The following KCNIP4 variants were observed in gnomAD, a reference collection of about 807,000 sequenced individuals.
KCNIP4 encodes the protein potassium voltage-gated channel interacting protein 4, also known as Kv channel-interacting protein 4.
Under a neutral mutation model 34.0 loss-of-function variants are expected in KCNIP4, and 12 were observed. The observed-to-expected ratio is 0.35, with a 90% CI of 0.23 to 0.57. The LOEUF (loss-of-function observed/expected upper bound fraction) is 0.57, where lower values mean the gene tolerates loss of function less well. Among genes scored for constraint, KCNIP4 ranks in the 20% least tolerant of loss-of-function variants. KCNIP4 has a pLI of 0.83. For synonymous variants in KCNIP4, 124 were observed against 102.2 expected, an observed-to-expected ratio of 1.21 and a Z score of -1.29; for missense variants, 238 against 311.7, an observed-to-expected ratio of 0.76 and a Z score of 1.78.
intron 1 of KCNIP4, among the ~76,000 whole-genome samples, chr4:21,563,029 A>G (rs1176199698): frequency 3.9e-5 from 6 of 152,038 alleles, no homozygotes; most frequent in Non-Finnish European, 5.9e-5. Flanking sequence ...GTTTTAAAGG[A>G]TTTTAAAAAC....
rs556143519 is a variant in KCNIP4 at position 21,815,260 on chromosome 4, T to C, written c.61+133311A>G. Among the ~76,000 whole-genome samples the C allele has an allele frequency of 2.6e-5, 4 of 152,306 alleles. No individual in the cohort carries two copies. In the East Asian group the frequency reaches 7.7e-4, roughly 29 times the overall value. On this transcript the variant is annotated intron_variant, in intron 1 of 8. Coordinates refer to ENST00000382152, the MANE Select transcript of KCNIP4 (RefSeq NM_025221.6). ...ATCTGTAAAAAGGGGATAAAAATTG[T>C]CTTTTGTGAGAATCAAATGTGCTAA...
At chr4:21,115,882 T>G (rs1381870839) in intron 1 of KCNIP4, among the ~76,000 whole-genome samples, 1 of 152,220 alleles carries the variant, frequency 6.6e-6, no homozygotes, top group South Asian at 2.1e-4. Flanking sequence ...ATAATAATCC[T>G]TAACAGATAT....
chr4:20,937,841 T>C (rs1037285009), intron 1 of KCNIP4, among the ~76,000 whole-genome samples: 3 of 152,172 alleles, frequency 2.0e-5, no homozygotes, highest in Non-Finnish European at 4.4e-5. Flanking sequence ...AATTAGGCCA[T>C]AATTATTTAT....
At chr4:21,753,315 T>A (rs1159608401) in intron 1 of KCNIP4, among the ~76,000 whole-genome samples, 1 of 152,142 alleles carries the variant, frequency 6.6e-6, no homozygotes, top group Admixed American at 6.6e-5. Flanking sequence ...TGTCAGGCAA[T>A]CTCTGGGTGC....
intron 1 of KCNIP4, among the ~76,000 whole-genome samples, chr4:21,517,867 G>A (rs1321669872): frequency 1.3e-5 from 2 of 152,106 alleles, no homozygotes; most frequent in African/African-American, 4.8e-5. Flanking sequence ...CTGATACATT[G>A]TAGAAGACCT....
intron 1 of KCNIP4, among the ~76,000 whole-genome samples, chr4:21,340,504 C>T (rs986001905): frequency 6.6e-6 from 1 of 151,996 alleles, no homozygotes; most frequent in African/African-American, 2.4e-5. Flanking sequence ...AATAACTTGG[C>T]AGGATCTCAT....
At chr4:21,476,291 A>C (rs987321766) in intron 1 of KCNIP4, among the ~76,000 whole-genome samples, 8 of 152,198 alleles carry the variant, frequency 5.3e-5, no homozygotes, top group African/African-American at 1.7e-4. Context: ...AAAATTTGCT[A>C]TCTCTGCTAT....
At chr4:21,397,893 A>G (rs1427912623) in intron 1 of KCNIP4, among the ~76,000 whole-genome samples, 1 of 152,170 alleles carries the variant, frequency 6.6e-6, no homozygotes, top group Non-Finnish European at 1.5e-5. Context: ...CATAAAAATG[A>G]CATGTTATTC....
intron 1 of KCNIP4, among the ~76,000 whole-genome samples, chr4:21,686,327 T>C (rs1479420449): frequency 6.6e-6 from 1 of 152,128 alleles, no homozygotes. Context: ...TAATATGTTT[T>C]TTTGTGTGTG....
At chr4:21,520,421 A>T (rs1735426524) in intron 1 of KCNIP4, among the ~76,000 whole-genome samples, 1 of 152,174 alleles carries the variant, frequency 6.6e-6, no homozygotes, top group Admixed American at 6.5e-5. Flanking sequence ...GCCAGAATTG[A>T]CTAAGACAGT....
intron 1 of KCNIP4, among the ~76,000 whole-genome samples, chr4:21,506,255 A>G (rs917931934): frequency 3.3e-5 from 5 of 152,112 alleles, no homozygotes; most frequent in African/African-American, 1.2e-4. Context: ...CAGAATGTAG[A>G]TGTTGAAGCC....
intron 1 of KCNIP4, among the ~76,000 whole-genome samples, chr4:21,252,646 C>T (rs1450935767): frequency 6.6e-6 from 1 of 152,050 alleles, no homozygotes; most frequent in Admixed American, 6.5e-5. Context: ...TGAAAAATTT[C>T]CCCATGCTGT....
At chr4:21,086,125 C>T (rs1205399121) in intron 1 of KCNIP4, among the ~76,000 whole-genome samples, 1 of 152,142 alleles carries the variant, frequency 6.6e-6, no homozygotes, top group African/African-American at 2.4e-5. Context: ...TGCATGACCT[C>T]ATGGAACAGA....
At chr4:21,936,244 C>T (rs181230551) in intron 1 of KCNIP4, among the ~76,000 whole-genome samples, 10 of 152,042 alleles carry the variant, frequency 6.6e-5, no homozygotes, top group African/African-American at 7.2e-5. Flanking sequence ...AATCATGGGG[C>T]GGTCCCCCCA....
chr4:21,806,877 G>C (rs1367639666), intron 1 of KCNIP4, among the ~76,000 whole-genome samples: 1 of 152,088 alleles, frequency 6.6e-6, no homozygotes, highest in Non-Finnish European at 1.5e-5. Flanking sequence ...AGGGTTGGAT[G>C]GGATAGTTGT....
chr4:21,800,640 C>A (rs1019721789), intron 1 of KCNIP4, among the ~76,000 whole-genome samples: 1 of 152,122 alleles, frequency 6.6e-6, no homozygotes, highest in Non-Finnish European at 1.5e-5. Flanking sequence ...TGAATGGTTT[C>A]TACTTTCATC....
At chr4:21,212,200 A>G (rs1172719956) in intron 1 of KCNIP4, among the ~76,000 whole-genome samples, 1 of 152,218 alleles carries the variant, frequency 6.6e-6, no homozygotes, top group Non-Finnish European at 1.5e-5. Flanking sequence ...CTGAGTTAGA[A>G]AGAAACTGCA....
At chr4:21,154,521 T>A (rs4426775) in intron 1 of KCNIP4, among the ~76,000 whole-genome samples, 27,973 of 152,160 alleles carry the variant, frequency 0.18, 2,692 homozygotes, top group Middle Eastern at 0.23. Flanking sequence ...TTCATTCATG[T>A]TGGAACAGTG....
chr4:21,680,211 C>G (rs2109022805), intron 1 of KCNIP4, among the ~76,000 whole-genome samples: 1 of 152,318 alleles, frequency 6.6e-6, no homozygotes, highest in South Asian at 2.1e-4. Context: ...TTGTTCACAG[C>G]ATCTTCATGA....
Sources: allele counts gnomAD v4.1 joint callset (sites outside exome capture counted in the v4.1 genomes callset), GRCh38; gene constraint gnomAD v4.1.1; transcripts MANE v1.5; gene names NCBI Gene and HGNC (gene_info 2026-07-23, HGNC 2026-07-21).